KCNIP4: variants seen among roughly 807,000 people sequenced by gnomAD.
KCNIP4 encodes potassium voltage-gated channel interacting protein 4, also known as Kv channel-interacting protein 4.
Under a neutral mutation model 34.0 loss-of-function variants are expected in KCNIP4, and 12 were observed. That is an observed-to-expected ratio of 0.35 (90% CI 0.23 to 0.57). The LOEUF (loss-of-function observed/expected upper bound fraction) is 0.57. Among genes scored for constraint, KCNIP4 ranks in the 20% least tolerant of loss-of-function variants. The pLI, the probability that KCNIP4 is intolerant of heterozygous loss-of-function variation, is 0.83. For synonymous variants in KCNIP4, 124 were observed against 102.2 expected, an observed-to-expected ratio of 1.21 and a Z score of -1.29; for missense variants, 238 against 311.7, an observed-to-expected ratio of 0.76 and a Z score of 1.78.
intron 1 of KCNIP4, among the ~76,000 whole-genome samples, chr4:20,942,595 G>A (rs1052904548): frequency 6.6e-6 from 1 of 152,150 alleles, no homozygotes; most frequent in Non-Finnish European, 1.5e-5. Flanking sequence ...CACTGAGGGA[G>A]GGTTAAATAA....
chr4:21,677,708 A>T (rs144631717), intron 1 of KCNIP4, among the ~76,000 whole-genome samples: 170 of 152,074 alleles, frequency 1.1e-3, no homozygotes, highest in African/African-American at 3.7e-3. Context: ...TGCAGCCTCC[A>T]CTGCTACCAC....
At chr4:20,785,786 C>T (rs1711903110) in intron 3 of KCNIP4, among the ~76,000 whole-genome samples, 1 of 151,904 alleles carries the variant, frequency 6.6e-6, no homozygotes, top group Non-Finnish European at 1.5e-5. Flanking sequence ...TAAAGACTGA[C>T]ATTGTAAGTC....
At chr4:21,634,242 AAAAAAC>A (rs1356907959) in intron 1 of KCNIP4, among the ~76,000 whole-genome samples, 3 of 147,118 alleles carry the variant, frequency 2.0e-5, no homozygotes, top group African/African-American at 7.6e-5. Context: ...AAAAAAAAAA[AAAAAAC>A]ACATACATAC....
At chr4:21,601,759 C>T (rs1022795745) in intron 1 of KCNIP4, among the ~76,000 whole-genome samples, 3 of 152,098 alleles carry the variant, frequency 2.0e-5, no homozygotes, top group African/African-American at 7.2e-5. Context: ...CTCACATGAG[C>T]CAAGCTCATT....
chr4:20,999,494 A>G (rs1737905882), intron 1 of KCNIP4, among the ~76,000 whole-genome samples: 1 of 150,292 alleles, frequency 6.7e-6, no homozygotes, highest in Non-Finnish European at 1.5e-5. Context: ...AAGGCTATAA[A>G]CAGAGGCACA....
chr4:21,532,381 G>A (rs358826), intron 1 of KCNIP4, among the ~76,000 whole-genome samples: 103,179 of 152,024 alleles, frequency 0.68, 35,170 homozygotes, highest in East Asian at 0.84. Context: ...TGATGTTCAT[G>A]AACATACTTA....
At chr4:20,904,711 C>A (rs922546788) in intron 1 of KCNIP4, among the ~76,000 whole-genome samples, 5 of 152,092 alleles carry the variant, frequency 3.3e-5, no homozygotes, top group African/African-American at 1.2e-4. Flanking sequence ...AAATGTTCAA[C>A]TAATAATATA....
At chr4:21,029,352 T>C (rs1283702960) in intron 1 of KCNIP4, among the ~76,000 whole-genome samples, 1 of 152,212 alleles carries the variant, frequency 6.6e-6, no homozygotes, top group Non-Finnish European at 1.5e-5. Context: ...AAGATTGCTC[T>C]GAGCAGTAGA....
chr4:21,473,732 A>T (rs554563906), intron 1 of KCNIP4, among the ~76,000 whole-genome samples: 360 of 134,328 alleles, frequency 2.7e-3, no homozygotes, highest in African/African-American at 9.7e-3. Context: ...TTTTTTTTTT[A>T]AGACAGAGTC....
intron 1 of KCNIP4, among the ~76,000 whole-genome samples, chr4:21,798,394 C>CA (rs1320854505): frequency 4.1e-5 from 2 of 49,142 alleles, no homozygotes; most frequent in Admixed American, 3.0e-4. Flanking sequence ...TCCACACACA[C>CA]AAAAAAATAC....
intron 1 of KCNIP4, among the ~76,000 whole-genome samples, chr4:20,979,585 A>T (rs760513044): frequency 4.0e-5 from 6 of 151,746 alleles, no homozygotes; most frequent in Non-Finnish European, 7.4e-5. Context: ...TTTTTAGTAG[A>T]GACAGGGTTT....
intron 3 of KCNIP4, among the ~76,000 whole-genome samples, chr4:20,771,940 G>A (rs1755926122): frequency 6.6e-6 from 1 of 152,162 alleles, no homozygotes; most frequent in Admixed American, 6.5e-5. Context: ...AAAGTGCTGG[G>A]ATTACAGGTG....
At chr4:20,985,148 A>G (rs1736456111) in intron 1 of KCNIP4, among the ~76,000 whole-genome samples, 1 of 152,160 alleles carries the variant, frequency 6.6e-6, no homozygotes, top group Non-Finnish European at 1.5e-5. Flanking sequence ...TTTGTGAGTA[A>G]TATCTCAGAC....
chr4:21,691,271 T>G (rs925818253), intron 1 of KCNIP4, among the ~76,000 whole-genome samples: 5 of 152,168 alleles, frequency 3.3e-5, no homozygotes, highest in Non-Finnish European at 5.9e-5. Context: ...CAGCATTTTT[T>G]TCTTCCCTGA....
intron 1 of KCNIP4, among the ~76,000 whole-genome samples, chr4:21,128,584 C>T (rs1318247573): frequency 6.6e-6 from 1 of 152,190 alleles, no homozygotes; most frequent in Non-Finnish European, 1.5e-5. Context: ...AACTCCTTCT[C>T]ATAAACCCGG....
chr4:21,301,780 C>T (rs754166333), intron 1 of KCNIP4, among the ~76,000 whole-genome samples: 1 of 152,124 alleles, frequency 6.6e-6, no homozygotes, highest in African/African-American at 2.4e-5. Context: ...TCAGCTATAT[C>T]AATCTATTCA....
At chr4:21,055,010 G>T (rs1243001373) in intron 1 of KCNIP4, among the ~76,000 whole-genome samples, 1 of 151,976 alleles carries the variant, frequency 6.6e-6, no homozygotes, top group Admixed American at 6.6e-5. Flanking sequence ...ATTTGTAAAA[G>T]ATACATCTGA....
intron 3 of KCNIP4, among the ~76,000 whole-genome samples, chr4:20,808,523 T>A (rs1313570558): frequency 6.6e-6 from 1 of 152,240 alleles, no homozygotes; most frequent in Non-Finnish European, 1.5e-5. Context: ...ATTATTTGCA[T>A]GTAGTTATTT....
In KCNIP4 at chr4:21,102,719, C is replaced by T. The variant is rs556013640; in HGVS notation, c.62-220010G>A. ...GAATAAGTCTATTAAAATCTTCAGA[C>T]ATTATACATTTTCTTTGAGAACAAC... On this transcript the variant is annotated intron_variant, in intron 1 of 8. Coordinates refer to ENST00000382152, the MANE Select transcript of KCNIP4 (RefSeq NM_025221.6). Among the ~76,000 whole-genome samples, 6 of 152,250 alleles carry T rather than the reference C, an allele frequency of 3.9e-5. No individual in the cohort carries two copies. The South Asian group carries it at 1.2e-3, about 32-fold the overall frequency.
Sources: gnomAD v4.1 joint callset for allele counts (sites outside exome capture counted in the v4.1 genomes callset) on GRCh38, gnomAD v4.1.1 for gene constraint, MANE v1.5 for transcripts, NCBI Gene and HGNC (gene_info 2026-07-23, HGNC 2026-07-21) for gene names.